The following SLAIN1 variants were observed in gnomAD, a reference collection of about 807,000 sequenced individuals.
The protein encoded by SLAIN1 is SLAIN motif-containing protein 1.
In SLAIN1, 17 loss-of-function variants were observed where a neutral mutation model predicts 55.4. The observed-to-expected ratio is 0.31, with a 90% CI of 0.21 to 0.46. The LOEUF is 0.46. Ranked by LOEUF, SLAIN1 falls within the 20% of genes least tolerant of loss-of-function variation. The pLI, the probability that SLAIN1 is intolerant of heterozygous loss-of-function variation, is 1.00. For synonymous variants in SLAIN1, 348 were observed against 337.4 expected, an observed-to-expected ratio of 1.03 and a Z score of -0.35; for missense variants, 682 against 785.1, an observed-to-expected ratio of 0.87 and a Z score of 1.57.
intron 5 of SLAIN1, among the ~76,000 whole-genome samples, chr13:77,754,800 C>T (rs1023891522): frequency 3.3e-5 from 5 of 152,160 alleles, no homozygotes; most frequent in Admixed American, 1.3e-4. Flanking sequence ...ATTGTAAGCT[C>T]CCTCTGGGCT....
chr13:77,717,239 G>A (rs1329009790), intron 1 of SLAIN1, among the ~76,000 whole-genome samples: 1 of 152,036 alleles, frequency 6.6e-6, no homozygotes, highest in African/African-American at 2.4e-5. Flanking sequence ...GAAATATTTA[G>A]ACTTTTTACA....
At chr13:77,734,962 G>T (rs184644451) in intron 2 of SLAIN1, among the ~76,000 whole-genome samples, 1 of 152,232 alleles carries the variant, frequency 6.6e-6, no homozygotes, top group Admixed American at 6.5e-5. Context: ...GGAGGTTTCA[G>T]TGAGCTGAGA....
At chr13:77,728,229 G>A (rs950984249) in intron 2 of SLAIN1, among the ~76,000 whole-genome samples, 12 of 152,114 alleles carry the variant, frequency 7.9e-5, no homozygotes, top group Admixed American at 3.9e-4. Flanking sequence ...GGTAGGATTA[G>A]CTCACTTGAT....
intron 2 of SLAIN1, among the ~76,000 whole-genome samples, chr13:77,720,294 CTT>C (rs1330329058): frequency 3.9e-5 from 6 of 152,146 alleles, no homozygotes; most frequent in Admixed American, 2.6e-4. Flanking sequence ...TGGCTTGTCT[CTT>C]AACCTCTGGG....
intron 1 of SLAIN1, among the ~76,000 whole-genome samples, chr13:77,700,957 C>T (rs185224934): frequency 1.2e-3 from 176 of 152,250 alleles, no homozygotes; most frequent in African/African-American, 4.0e-3. Flanking sequence ...CTCTGCAGCT[C>T]CTTCAAGATA....
chr13:77,714,157 A>G (rs2091182643), intron 1 of SLAIN1, among the ~76,000 whole-genome samples: 2 of 151,012 alleles, frequency 1.3e-5, no homozygotes, highest in African/African-American at 2.5e-5. Flanking sequence ...TATATCCCAG[A>G]ACTTAAAGTA....
chr13:77,708,261 A>T (rs2091110083), intron 1 of SLAIN1, among the ~76,000 whole-genome samples: 1 of 152,168 alleles, frequency 6.6e-6, no homozygotes, highest in African/African-American at 2.4e-5. Flanking sequence ...CCCTACAAAC[A>T]AAAAAAGGAC....
rs925249460 is a variant in SLAIN1, at chr13:77,698,388, G to C, written c.475G>C (p.Ala159Pro). ...CAAGCCGGCAGCAGGCTTCTTCGGC[G>C]CGGGCGGTGGCGGGCCGGAGCCGGG... is the stretch of plus-strand genomic sequence containing the variant. ...YFKPAAGFFG[A>P]GGGGPEPGGA... Residue 159 changes from alanine to proline, a missense_variant, in exon 1 of 7, where the codon GCG becomes CCG. Coordinates refer to ENST00000418532, the MANE Select transcript of SLAIN1 (RefSeq NM_001242868.2). The surrounding 1 kb of genome is among the most constrained non-coding windows in gnomAD (Gnocchi z 4.1). 118 of 1,412,416 alleles carry C rather than the reference G, an allele frequency of 8.4e-5. No homozygotes were observed. The highest frequency in any genetic ancestry group is 1.1e-4 in the Non-Finnish European group (114 of 1,084,304). The allele number at this position is 1,412,416 out of a possible 1,614,324, so 87.5% of individuals were successfully genotyped here. A position where few individuals can be genotyped will look rare whatever the true frequency, so the allele number is the denominator to read the frequency against.
At chr13:77,703,583 C>A (rs137904366) in intron 1 of SLAIN1, among the ~76,000 whole-genome samples, 4 of 151,870 alleles carry the variant, frequency 2.6e-5, no homozygotes, top group Non-Finnish European at 5.9e-5. Flanking sequence ...TGCAACTGGG[C>A]GAGGCAGGGT....
intron 5 of SLAIN1, among the ~76,000 whole-genome samples, chr13:77,754,250 T>C (rs1353729583): frequency 6.6e-6 from 1 of 152,232 alleles, no homozygotes; most frequent in East Asian, 1.9e-4. Context: ...GGTGTCAGGT[T>C]GTATCTCCCT....
In SLAIN1 at chr13:77,717,949, T is replaced by A. The variant is rs148382179; in HGVS notation, c.627-1583T>A. Among the ~76,000 whole-genome samples the A allele has an allele frequency of 1.5e-3, 221 of 152,212 alleles. 2 individuals carry two copies. Among genetic ancestry groups the A allele is most frequent in the Non-Finnish European group, 1.6e-4 (11 of 68,006 alleles). Reference sequence around the variant, plus strand: ...GGAGAAGTACCGTGTACTGGGCAGTTTAGGCTATGTTGCAAGGAAGTGGAA... The same window carrying A: ...GGAGAAGTACCGTGTACTGGGCAGTATAGGCTATGTTGCAAGGAAGTGGAA... On this transcript the variant is annotated intron_variant, in intron 1 of 6. Coordinates refer to ENST00000418532, the MANE Select transcript of SLAIN1 (RefSeq NM_001242868.2).
Position 77,697,867 on chromosome 13 carries a change from G to C in SLAIN1, c.-47G>C, listed in dbSNP as rs1167421689. On this transcript the variant is annotated 5_prime_UTR_variant, in exon 1 of 7. Coordinates refer to ENST00000418532, the MANE Select transcript of SLAIN1 (RefSeq NM_001242868.2). ...CCTCCCCGTGGCCCGAGGAGCCGGC[G>C]CGGCGGCGCGCACTCCCCGGCGGCC... 19 of 1,281,358 alleles carry C rather than the reference G, an allele frequency of 1.5e-5. No individual in the cohort carries two copies. The highest frequency in any genetic ancestry group is 1.9e-5 in the Non-Finnish European group (19 of 1,014,360). 79.4% of individuals were successfully genotyped at this position (1,281,358 alleles called of 1,614,324 possible). A position where few individuals can be genotyped will look rare whatever the true frequency, so the allele number is the denominator to read the frequency against.
chr13:77,743,827 A>T (rs988185426), intron 2 of SLAIN1, among the ~76,000 whole-genome samples: 3 of 152,030 alleles, frequency 2.0e-5, no homozygotes, highest in Non-Finnish European at 4.4e-5. Context: ...TGTACTCATT[A>T]AGAAATGGAC....
intron 1 of SLAIN1, among the ~76,000 whole-genome samples, chr13:77,713,871 A>G (rs1242268655): frequency 1.3e-5 from 2 of 152,166 alleles, no homozygotes; most frequent in African/African-American, 4.8e-5. Flanking sequence ...TGTCCTTTGC[A>G]GGGACATGGA....
intron 5 of SLAIN1, among the ~76,000 whole-genome samples, chr13:77,757,259 A>G (rs1171514945): frequency 6.6e-6 from 1 of 152,098 alleles, no homozygotes; most frequent in Non-Finnish European, 1.5e-5. Flanking sequence ...ATGGTTAAAA[A>G]CTAGCAAATT....
chr13:77,752,418 G>A (rs1443261095), intron 4 of SLAIN1, among the ~76,000 whole-genome samples: 1 of 151,454 alleles, frequency 6.6e-6, no homozygotes, highest in Admixed American at 6.6e-5. Flanking sequence ...GGAACAGATA[G>A]CTAACTGCTT....
intron 2 of SLAIN1, among the ~76,000 whole-genome samples, chr13:77,725,591 T>C (rs2091300299): frequency 6.6e-6 from 1 of 152,220 alleles, no homozygotes; most frequent in East Asian, 1.9e-4. Flanking sequence ...TTCCTCTTTT[T>C]TGACCTTGAT....
chr13:77,732,671 AT>A (rs57814068), intron 2 of SLAIN1, among the ~76,000 whole-genome samples: 237 of 146,778 alleles, frequency 1.6e-3, no homozygotes, highest in Non-Finnish European at 1.7e-3. Context: ...TTACTACTAC[AT>A]TTTTTTTTTT....
At chr13:77,735,178 T>C (rs1873059489) in intron 2 of SLAIN1, among the ~76,000 whole-genome samples, 1 of 152,190 alleles carries the variant, frequency 6.6e-6, no homozygotes, top group Non-Finnish European at 1.5e-5. Flanking sequence ...TATTTCTTCC[T>C]ACAAACATAA....
Sources: gnomAD v4.1 joint callset for allele counts (sites outside exome capture counted in the v4.1 genomes callset) on GRCh38, gnomAD v4.1.1 for gene constraint, Gnocchi (gnomAD v3.1) non-coding constraint, MANE v1.5 for transcripts, NCBI Gene and HGNC (gene_info 2026-07-23, HGNC 2026-07-21) for gene names.